MAPK10: variants seen among roughly 807,000 people sequenced by gnomAD.
MAPK10 encodes JNK3 alpha protein kinase.
A neutral mutation model predicts 59.3 loss-of-function variants in MAPK10; 25 were observed. That is an observed-to-expected ratio of 0.42 (90% CI 0.31 to 0.59). The LOEUF is 0.59. MAPK10 is among the 20% of genes least tolerant of loss of function. The pLI is 0.15. For missense variants in MAPK10, 351 were observed against 568.9 expected, an observed-to-expected ratio of 0.62 and a Z score of 3.90; for synonymous variants, 190 against 200.5, an observed-to-expected ratio of 0.95 and a Z score of 0.44.
At chr4:86,177,262 TA>T (rs1349689050) in intron 3 of MAPK10, among the ~76,000 whole-genome samples, 1 of 152,056 alleles carries the variant, frequency 6.6e-6, no homozygotes, top group African/African-American at 2.4e-5. Context: ...CCCAAAAACC[TA>T]AACCATACAA....
intron 2 of MAPK10, among the ~76,000 whole-genome samples, chr4:86,248,794 TATC>T (rs1169488839): frequency 6.6e-6 from 1 of 152,212 alleles, no homozygotes; most frequent in Non-Finnish European, 1.5e-5. Flanking sequence ...AGAGCAGTAA[TATC>T]ATTATTTCTG....
intron 1 of MAPK10, among the ~76,000 whole-genome samples, chr4:86,442,779 T>C (rs1749563170): frequency 6.6e-6 from 1 of 152,206 alleles, no homozygotes; most frequent in Admixed American, 6.5e-5. Flanking sequence ...GATATGAATA[T>C]ACCATAATTT....
intron 1 of MAPK10, among the ~76,000 whole-genome samples, chr4:86,433,555 CTTTTT>C (rs574706672): frequency 3.1e-5 from 3 of 97,600 alleles, no homozygotes; most frequent in African/African-American, 1.2e-4. Context: ...GGGCCTTCTT[CTTTTT>C]TTTTTTTTTT....
At chr4:86,272,064 C>T (rs1363410962) in intron 2 of MAPK10, among the ~76,000 whole-genome samples, 1 of 151,992 alleles carries the variant, frequency 6.6e-6, no homozygotes, top group African/African-American at 2.4e-5. Flanking sequence ...TGTTTAGCTC[C>T]CACTTTTAAG....
At chr4:86,284,617 C>A (rs1276630252) in intron 2 of MAPK10, among the ~76,000 whole-genome samples, 1 of 152,132 alleles carries the variant, frequency 6.6e-6, no homozygotes, top group Non-Finnish European at 1.5e-5. Context: ...TTATTATAAA[C>A]AAGATCTAAA....
chr4:86,566,638 G>A (rs541129276), intron 1 of MAPK10, among the ~76,000 whole-genome samples: 4 of 151,918 alleles, frequency 2.6e-5, no homozygotes, highest in Non-Finnish European at 4.4e-5. Flanking sequence ...TTGCTTGAAC[G>A]CAGGTGACGG....
chr4:86,044,147 G>A (rs918482384), intron 11 of MAPK10, among the ~76,000 whole-genome samples: 7 of 152,130 alleles, frequency 4.6e-5, no homozygotes, highest in African/African-American at 7.2e-5. Context: ...AAATTTCCAC[G>A]TCCACTCAGA....
intron 3 of MAPK10, among the ~76,000 whole-genome samples, chr4:86,169,789 A>G (rs1284417395): frequency 1.3e-5 from 2 of 151,934 alleles, no homozygotes; most frequent in African/African-American, 4.8e-5. Flanking sequence ...GAAATGAAGG[A>G]AAAAATGTTA....
At chr4:86,517,444 T>G (rs1180234660) in intron 1 of MAPK10, among the ~76,000 whole-genome samples, 1 of 151,916 alleles carries the variant, frequency 6.6e-6, no homozygotes, top group Non-Finnish European at 1.5e-5. Context: ...CCCGGCTAAC[T>G]TTTTGTATTT....
chr4:86,343,165 T>C (rs1726036081), intron 2 of MAPK10, among the ~76,000 whole-genome samples: 1 of 152,196 alleles, frequency 6.6e-6, no homozygotes, highest in Non-Finnish European at 1.5e-5. Flanking sequence ...CAAAATATGT[T>C]CGCATTTCCA....
At chr4:86,281,624 T>G (rs2094811134) in intron 2 of MAPK10, among the ~76,000 whole-genome samples, 1 of 152,136 alleles carries the variant, frequency 6.6e-6, no homozygotes, top group South Asian at 2.1e-4. Context: ...TGAACAGGAA[T>G]GAAGCTTGTT....
Position 86,015,739 on chromosome 4 carries a change from G to A in MAPK10, c.*1489C>T, listed in dbSNP as rs555851902. ...ACTATTTGGCAGCAGTAAATTTATG[G>A]GCAGAGTTATTGCTCTTACATCTAC... On this transcript the variant is annotated 3_prime_UTR_variant, in exon 14 of 14. Transcript: ENST00000641462. 3.9e-5 allele frequency: 6 copies of A among 152,204 alleles called. No individual in the cohort carries two copies. In the East Asian group the frequency reaches 1.2e-3, roughly 29 times the overall value. The allele number at this position is 152,204 out of a possible 1,614,324, so 9.4% of individuals were successfully genotyped here. A position where few individuals can be genotyped will look rare whatever the true frequency, so the allele number is the denominator to read the frequency against.
chr4:86,128,036 T>C (rs1057272340), intron 4 of MAPK10, among the ~76,000 whole-genome samples: 4 of 152,118 alleles, frequency 2.6e-5, no homozygotes, highest in African/African-American at 9.7e-5. Flanking sequence ...TTTTATTATA[T>C]ATATAGCACA....
chr4:86,229,612 G>T, intron 2 of MAPK10, among the ~76,000 whole-genome samples: 1 of 151,972 alleles, frequency 6.6e-6, no homozygotes, highest in East Asian at 1.9e-4. Context: ...AACTAAAAAT[G>T]CAGGAAAACA....
intron 4 of MAPK10, among the ~76,000 whole-genome samples, chr4:86,118,924 GT>G (rs1013029618): frequency 6.6e-6 from 1 of 152,098 alleles, no homozygotes; most frequent in African/African-American, 2.4e-5. Flanking sequence ...TTCTGCAATT[GT>G]TCCCCCTAAC....
intron 1 of MAPK10, among the ~76,000 whole-genome samples, chr4:86,584,050 T>C (rs937329231): frequency 2.0e-5 from 3 of 152,204 alleles, no homozygotes; most frequent in African/African-American, 7.2e-5. Context: ...TGTCTGTGTG[T>C]GTGCATGCAT....
At chr4:86,139,203 A>C (rs1459129443) in intron 4 of MAPK10, among the ~76,000 whole-genome samples, 3 of 146,130 alleles carry the variant, frequency 2.1e-5, no homozygotes, top group Admixed American at 1.4e-4. Context: ...ATATGGAACC[A>C]AAAAAGAGCC....
Position 86,107,360 on chromosome 4 carries a change from GA to G in MAPK10, c.237-9del. On this transcript the variant is annotated splice_polypyrimidine_tract_variant and intron_variant, in intron 4 of 13. Coordinates refer to ENST00000641462, the MANE Select transcript of MAPK10 (RefSeq NM_138982.4). Reference sequence around the variant, plus strand: ...ACAGCATCATACGCGGCACTGTAGAGATCCAAGAGCAACTCAGAATTAAGAA... The same window carrying G: ...ACAGCATCATACGCGGCACTGTAGAGTCCAAGAGCAACTCAGAATTAAGAA... 6.2e-7 allele frequency: 1 copy of G among 1,603,842 alleles called. No homozygotes were observed. Among genetic ancestry groups the G allele is most frequent in the Non-Finnish European group, 8.5e-7 (1 of 1,176,612 alleles).
At chr4:86,556,749 A>T (rs548114246) in intron 1 of MAPK10, among the ~76,000 whole-genome samples, 15 of 152,170 alleles carry the variant, frequency 9.9e-5, no homozygotes, top group African/African-American at 3.4e-4. Flanking sequence ...GTCTTAGATG[A>T]AAAAGGGTAA....
Sources: gnomAD v4.1 joint callset for allele counts (sites outside exome capture counted in the v4.1 genomes callset) on GRCh38, gnomAD v4.1.1 for gene constraint, MANE v1.5 for transcripts, NCBI Gene and HGNC (gene_info 2026-07-23, HGNC 2026-07-21) for gene names.